SCHIP1: variants seen among roughly 807,000 people sequenced by gnomAD.
SCHIP1 encodes the protein schwannomin-interacting protein 1.
In SCHIP1, 8 loss-of-function variants were observed where a neutral mutation model predicts 29.7. The ratio of observed to expected loss-of-function variants is 0.27; its 90% CI spans 0.16 to 0.49. The LOEUF (loss-of-function observed/expected upper bound fraction) is 0.49. Ranked by LOEUF, SCHIP1 falls within the 20% of genes least tolerant of loss-of-function variation. The pLI is 0.99. For synonymous variants in SCHIP1, 76 were observed against 94.9 expected (o/e 0.80, Z 1.16); for missense variants, 193 against 294.6 (o/e 0.66, Z 2.52).
the SCHIP1 span, among the ~76,000 whole-genome samples, chr3:159,691,795 G>T: frequency 6.6e-6 from 1 of 152,072 alleles, no homozygotes; most frequent in Non-Finnish European, 1.5e-5. Context: ...GGTAGGCCTG[G>T]TGGTGACAAA....
chr3:159,592,681 C>T, the SCHIP1 span, among the ~76,000 whole-genome samples: 2 of 152,134 alleles, frequency 1.3e-5, no homozygotes, highest in South Asian at 4.2e-4. Context: ...TCCTGCTCCC[C>T]CAGCAGTTTA....
At chr3:159,495,802 C>A in the SCHIP1 span, among the ~76,000 whole-genome samples, 1 of 152,158 alleles carries the variant, frequency 6.6e-6, no homozygotes, top group Non-Finnish European at 1.5e-5. Context: ...ATCACCAAGT[C>A]AATCCTAAGC....
the SCHIP1 span, among the ~76,000 whole-genome samples, chr3:159,554,940 A>T: frequency 6.6e-6 from 1 of 152,068 alleles, no homozygotes; most frequent in African/African-American, 2.4e-5. Context: ...CAGTCTTAGG[A>T]TGGGAGAGGA....
the SCHIP1 span, among the ~76,000 whole-genome samples, chr3:159,453,800 A>G: frequency 1.3e-5 from 2 of 152,254 alleles, no homozygotes; most frequent in Middle Eastern, 3.4e-3. Context: ...AAGTGCTGCT[A>G]TCTTTAAGCT....
the SCHIP1 span, among the ~76,000 whole-genome samples, chr3:159,655,128 G>A: frequency 6.6e-6 from 1 of 152,284 alleles, no homozygotes; most frequent in Non-Finnish European, 1.5e-5. Flanking sequence ...TAAGTCACTT[G>A]AATTCTCTAA....
chr3:159,681,927 GGGTTAA>G, the SCHIP1 span, among the ~76,000 whole-genome samples: 240 of 83,260 alleles, frequency 2.9e-3, 5 homozygotes, highest in African/African-American at 0.031. Context: ...AGGTTAACTT[GGGTTAA>G]CTTGGGTTAA....
At chr3:159,492,415 T>C in the SCHIP1 span, among the ~76,000 whole-genome samples, 1 of 152,140 alleles carries the variant, frequency 6.6e-6, no homozygotes, top group Non-Finnish European at 1.5e-5. Flanking sequence ...AAGGACCTGA[T>C]GGAACTGAAA....
the SCHIP1 span, chr3:159,309,190 C>T: frequency 2.5e-5 from 6 of 237,564 alleles, no homozygotes; most frequent in Non-Finnish European, 3.4e-5. Flanking sequence ...AAATATACTT[C>T]CAAATATTTA....
the SCHIP1 span, among the ~76,000 whole-genome samples, chr3:159,680,697 A>ATAC: frequency 0.069 from 457 of 6,592 alleles, 31 homozygotes; most frequent in Middle Eastern, 0.17. Flanking sequence ...GTATATATAT[A>ATAC]ATATATATTA....
At chr3:159,713,991 C>T in the SCHIP1 span, among the ~76,000 whole-genome samples, 3 of 152,176 alleles carry the variant, frequency 2.0e-5, no homozygotes, top group Non-Finnish European at 4.4e-5. Flanking sequence ...AATCCCAACA[C>T]TTTGGGAGGC....
chr3:159,850,312 G>A (rs1712417188), intron 1 of SCHIP1, among the ~76,000 whole-genome samples: 1 of 152,100 alleles, frequency 6.6e-6, no homozygotes, highest in African/African-American at 2.4e-5. Flanking sequence ...CCAGCATTTT[G>A]GGAGGCCAAG....
At chr3:159,598,240 A>C in the SCHIP1 span, among the ~76,000 whole-genome samples, 1 of 152,182 alleles carries the variant, frequency 6.6e-6, no homozygotes, top group Non-Finnish European at 1.5e-5. Context: ...GAAATCAAAC[A>C]TGCCTTCCCA....
chr3:159,599,149 T>G, the SCHIP1 span, among the ~76,000 whole-genome samples: 1 of 152,208 alleles, frequency 6.6e-6, no homozygotes, highest in African/African-American at 2.4e-5. Context: ...ATTCAGCCAT[T>G]CTATATCTTT....
chr3:159,595,719 A>G, the SCHIP1 span, among the ~76,000 whole-genome samples: 1 of 152,214 alleles, frequency 6.6e-6, no homozygotes, highest in Non-Finnish European at 1.5e-5. Context: ...TAGCCTAAAG[A>G]GGAATATTTA....
At chr3:159,434,018 C>T in the SCHIP1 span, among the ~76,000 whole-genome samples, 1 of 152,186 alleles carries the variant, frequency 6.6e-6, no homozygotes, top group Non-Finnish European at 1.5e-5. Context: ...GTCTCCTCCA[C>T]TTGAACTGCA....
chr3:159,442,271 A>G, the SCHIP1 span, among the ~76,000 whole-genome samples: 1 of 152,202 alleles, frequency 6.6e-6, no homozygotes, highest in African/African-American at 2.4e-5. Flanking sequence ...CTGGCCTTTG[A>G]GACTGGCAGG....
At chr3:159,400,429 A>G in the SCHIP1 span, among the ~76,000 whole-genome samples, 1 of 152,240 alleles carries the variant, frequency 6.6e-6, no homozygotes, top group Non-Finnish European at 1.5e-5. Context: ...TGCCTGTTAC[A>G]TGCCAGGTAC....
At chr3:159,289,541 T>A in the SCHIP1 span, among the ~76,000 whole-genome samples, 1 of 152,210 alleles carries the variant, frequency 6.6e-6, no homozygotes, top group African/African-American at 2.4e-5. Context: ...CAGCTCCTTA[T>A]AGAAGTTCTT....
chr3:159,275,448 T>C, the SCHIP1 span, among the ~76,000 whole-genome samples: 2 of 152,154 alleles, frequency 1.3e-5, no homozygotes, highest in African/African-American at 4.8e-5. Flanking sequence ...CCAAGACTCA[T>C]GTCATAAAAC....
Sources: gnomAD v4.1 joint callset for allele counts (sites outside exome capture counted in the v4.1 genomes callset) on GRCh38, gnomAD v4.1.1 for gene constraint, MANE v1.5 for transcripts, NCBI Gene and HGNC (gene_info 2026-07-23, HGNC 2026-07-21) for gene names.